RAB3IP: variants seen among roughly 807,000 people sequenced by gnomAD.
RAB3IP encodes the protein rab-3A-interacting protein.
Under a neutral mutation model 59.1 loss-of-function variants are expected in RAB3IP, and 36 were observed. The ratio of observed to expected loss-of-function variants is 0.61; its 90% CI spans 0.47 to 0.80. The LOEUF (loss-of-function observed/expected upper bound fraction) is 0.80. Among genes scored for constraint, RAB3IP ranks in the 30% least tolerant of loss-of-function variants. RAB3IP has a pLI of 0.00. For synonymous variants in RAB3IP, 207 were observed against 191.2 expected (o/e 1.08, Z -0.68); for missense variants, 511 against 536.0 (o/e 0.95, Z 0.46).
intron 3 of RAB3IP, among the ~76,000 whole-genome samples, chr12:69,762,279 A>G (rs763220711): frequency 3.3e-5 from 5 of 152,174 alleles, no homozygotes; most frequent in African/African-American, 7.2e-5. Context: ...TGGAATTCTC[A>G]GGAGGAAATT....
At chr12:69,805,777 C>A (rs1323198213) in intron 8 of RAB3IP, among the ~76,000 whole-genome samples, 1 of 152,110 alleles carries the variant, frequency 6.6e-6, no homozygotes, top group Admixed American at 6.5e-5. Flanking sequence ...GTCTTTGGTT[C>A]TGTTTATATG....
intron 1 of RAB3IP, chr12:69,739,900 T>G (rs774060398): frequency 3.9e-5 from 61 of 1,559,636 alleles, no homozygotes; most frequent in African/African-American, 8.1e-5. Flanking sequence ...AGCGCTGAGT[T>G]AGTTAGTACT....
chr12:69,801,559 T>G, intron 7 of RAB3IP, 50 bp from the exon 8 acceptor site: 1 of 1,147,732 alleles, frequency 8.7e-7, no homozygotes, highest in Non-Finnish European at 1.3e-6. Context: ...AATACAATTT[T>G]GATATTTTTC....
At chr12:69,763,452 C>T (rs1343491154) in intron 3 of RAB3IP, among the ~76,000 whole-genome samples, 4 of 152,212 alleles carry the variant, frequency 2.6e-5, no homozygotes, top group Non-Finnish European at 4.4e-5. Context: ...TGCTCTTGAT[C>T]AGTCCACTTT....
intron 1 of RAB3IP, among the ~76,000 whole-genome samples, chr12:69,743,730 A>G (rs988932241): frequency 2.0e-5 from 3 of 152,176 alleles, no homozygotes; most frequent in Admixed American, 6.5e-5. Flanking sequence ...GGTTTTCTCA[A>G]ACTTCAATTT....
chr12:69,818,441 T>G lies in RAB3IP; in HGVS notation c.*2995T>G, dbSNP rs1441156801. 2 of 148,124 alleles carry G rather than the reference T, an allele frequency of 1.4e-5. No homozygotes were observed. Among genetic ancestry groups the G allele is most frequent in the African/African-American group, 5.1e-5 (2 of 39,540 alleles). The allele number at this position is 148,124 out of a possible 1,614,324, so 9.2% of individuals were successfully genotyped here. ...TCTTACCTTGGGTGACAGAGTAAGATCATACCTTAAAAAAAAAAAAAAAGT... is the reference window on the plus strand; with the variant it reads ...TCTTACCTTGGGTGACAGAGTAAGAGCATACCTTAAAAAAAAAAAAAAAGT... On this transcript the variant is annotated 3_prime_UTR_variant, in exon 11 of 11. Coordinates refer to ENST00000247833, the MANE Select transcript of RAB3IP (RefSeq NM_022456.5).
intron 4 of RAB3IP, among the ~76,000 whole-genome samples, chr12:69,785,800 C>T (rs1344943461): frequency 6.6e-6 from 1 of 152,150 alleles, no homozygotes; most frequent in Non-Finnish European, 1.5e-5. Context: ...CACAATAAAC[C>T]ATTATAATAG....
At chr12:69,752,843 T>G (rs559489879) in intron 1 of RAB3IP, among the ~76,000 whole-genome samples, 1 of 152,366 alleles carries the variant, frequency 6.6e-6, no homozygotes, top group African/African-American at 2.4e-5. Context: ...CTGAACTATA[T>G]TCAAGTGAAA....
chr12:69,740,297 T>G (rs1887188683), intron 1 of RAB3IP, among the ~76,000 whole-genome samples: 2 of 152,216 alleles, frequency 1.3e-5, no homozygotes, highest in South Asian at 4.1e-4. Context: ...CTGTTATCAT[T>G]TGTTATTTAT....
At chr12:69,741,757 C>T (rs1164392816) in intron 1 of RAB3IP, among the ~76,000 whole-genome samples, 1 of 152,226 alleles carries the variant, frequency 6.6e-6, no homozygotes, top group Non-Finnish European at 1.5e-5. Context: ...TCTTCCATGT[C>T]TGTGCTCTTA....
chr12:69,763,037 C>T (rs1176514821), intron 3 of RAB3IP, among the ~76,000 whole-genome samples: 3 of 152,128 alleles, frequency 2.0e-5, no homozygotes, highest in Non-Finnish European at 4.4e-5. Context: ...GGATGATAAC[C>T]AGCCATTTAG....
intron 4 of RAB3IP, among the ~76,000 whole-genome samples, chr12:69,793,129 A>T (rs1329505760): frequency 4.7e-5 from 7 of 150,516 alleles, no homozygotes; most frequent in Non-Finnish European, 1.0e-4. Flanking sequence ...TTAAAAGGAG[A>T]ATATTTAACT....
chr12:69,753,945 AC>A lies in RAB3IP; in HGVS notation c.-25-1437del, dbSNP rs1481811157. Among the ~76,000 whole-genome samples, 6 of 152,124 alleles carry A rather than the reference AC, an allele frequency of 3.9e-5. No homozygotes were observed. The East Asian group carries it at 1.2e-3, about 29-fold the overall frequency. ...ATGAACTGTTTTTTGCTTATGGAGAACCTGAAGCATATGTGGTATTGTTAGT... is the reference window on the plus strand; with the variant it reads ...ATGAACTGTTTTTTGCTTATGGAGAACTGAAGCATATGTGGTATTGTTAGT... On this transcript the variant is annotated intron_variant, in intron 1 of 10. Coordinates refer to ENST00000247833, the MANE Select transcript of RAB3IP (RefSeq NM_022456.5).
chr12:69,765,382 T>A (rs1227754540), intron 3 of RAB3IP, among the ~76,000 whole-genome samples: 1 of 152,228 alleles, frequency 6.6e-6, no homozygotes, highest in Non-Finnish European at 1.5e-5. Context: ...TTTTTCCACC[T>A]CTGTTGAGAT....
chr12:69,772,996 C>T (rs1873396689), intron 3 of RAB3IP, among the ~76,000 whole-genome samples: 1 of 152,020 alleles, frequency 6.6e-6, no homozygotes, highest in African/African-American at 2.4e-5. Flanking sequence ...GTATTGAATT[C>T]CTTCAGCTTT....
chr12:69,768,297 A>C (rs115872017), intron 3 of RAB3IP, among the ~76,000 whole-genome samples: 4,124 of 152,188 alleles, frequency 0.027, 196 homozygotes, highest in African/African-American at 0.094. Context: ...CAGGCTACTG[A>C]TTCAGGTGAG....
chr12:69,747,591 G>A (rs887224489), intron 1 of RAB3IP, among the ~76,000 whole-genome samples: 2 of 152,150 alleles, frequency 1.3e-5, no homozygotes, highest in African/African-American at 4.8e-5. Flanking sequence ...AAGAACCACT[G>A]TGCCTGACCT....
At chr12:69,748,276 CATTA>C (rs1398133164) in intron 1 of RAB3IP, among the ~76,000 whole-genome samples, 3 of 151,950 alleles carry the variant, frequency 2.0e-5, no homozygotes, top group Non-Finnish European at 4.4e-5. Flanking sequence ...AATATTTTCC[CATTA>C]ATTCTGATTT....
chr12:69,742,147 A>G (rs1887409467), intron 1 of RAB3IP, among the ~76,000 whole-genome samples: 1 of 152,214 alleles, frequency 6.6e-6, no homozygotes. Context: ...TGAGTAGTGG[A>G]GAGGAAGGAC....
Sources: allele counts gnomAD v4.1 joint callset (sites outside exome capture counted in the v4.1 genomes callset), GRCh38; gene constraint gnomAD v4.1.1; transcripts MANE v1.5; gene names NCBI Gene and HGNC (gene_info 2026-07-23, HGNC 2026-07-21).